PLCXD3: variants seen among roughly 807,000 people sequenced by gnomAD.
PLCXD3 encodes PI-PLC X domain-containing protein 3.
Under a neutral mutation model 25.5 loss-of-function variants are expected in PLCXD3, and 19 were observed. That is an observed-to-expected ratio of 0.75 (90% confidence interval 0.52 to 1.09). The LOEUF (loss-of-function observed/expected upper bound fraction) is 1.09, where lower values mean the gene tolerates loss of function less well. Ranked by LOEUF, PLCXD3 falls within the 50% of genes least tolerant of loss-of-function variation. PLCXD3 has a pLI of 0.00. For missense variants in PLCXD3, 411 were observed against 388.1 expected, an observed-to-expected ratio of 1.06 and a Z score of -0.50; for synonymous variants, 174 against 137.6, an observed-to-expected ratio of 1.26 and a Z score of -1.85.
intron 1 of PLCXD3, among the ~76,000 whole-genome samples, chr5:41,491,499 C>A (rs1446775544): frequency 6.6e-6 from 1 of 152,138 alleles, no homozygotes; most frequent in Admixed American, 6.5e-5. Flanking sequence ...TGTTAACTTT[C>A]TGTCTGGTTG....
chr5:41,391,253 A>G (rs1055254904), intron 1 of PLCXD3, among the ~76,000 whole-genome samples: 27 of 152,246 alleles, frequency 1.8e-4, no homozygotes, highest in African/African-American at 6.3e-4. Flanking sequence ...GAGTACTGTT[A>G]TCACCCCTCC....
intron 2 of PLCXD3, 62 bp downstream of exon 2, chr5:41,381,764 G>T (rs950650436): frequency 2.4e-5 from 35 of 1,457,408 alleles, no homozygotes; most frequent in Non-Finnish European, 3.3e-5. Flanking sequence ...CATCACTTAT[G>T]AGCTCTATAA....
At chr5:41,358,297 A>AT (rs897384421) in intron 2 of PLCXD3, among the ~76,000 whole-genome samples, 33 of 152,004 alleles carry the variant, frequency 2.2e-4, no homozygotes, top group African/African-American at 6.8e-4. Flanking sequence ...TGGGCTACTT[A>AT]TTTTTTTTAT....
rs187436173 is a variant in PLCXD3 at position 41,373,626 on chromosome 5, C to T, written c.812+8200G>A. On this transcript the variant is annotated intron_variant, in intron 2 of 2. Coordinates refer to ENST00000377801, the MANE Select transcript of PLCXD3 (RefSeq NM_001005473.3). ...CCTTTGTAAGAAATAAAGCTCTCTC[C>T]TCTCTGAATTTATGAACCTCATAAT... is the stretch of plus-strand genomic sequence containing the variant. 2.3e-3 allele frequency among the ~76,000 whole-genome samples: 356 copies of T among 152,254 alleles called. 1 individual carries two copies. The highest frequency in any genetic ancestry group is 4.2e-3 in the Admixed American group (64 of 15,284).
intron 1 of PLCXD3, among the ~76,000 whole-genome samples, chr5:41,473,094 A>G (rs1421179530): frequency 6.6e-6 from 1 of 152,192 alleles, no homozygotes; most frequent in Non-Finnish European, 1.5e-5. Flanking sequence ...ATTGCCTAAA[A>G]AAATCTGCAA....
intron 1 of PLCXD3, among the ~76,000 whole-genome samples, chr5:41,394,502 G>A (rs932209645): frequency 6.6e-6 from 1 of 152,054 alleles, no homozygotes; most frequent in African/African-American, 2.4e-5. Context: ...AGTAAATTCT[G>A]CAGTCAACAG....
At position 41,311,503 on chromosome 5, in the gene PLCXD3, G is replaced by T. The variant is rs1345009868; in HGVS notation, c.*2114C>A. ...TTTAATATTATCAATGTCTTCATTTGAAAAGAAGAATTGTACTGTGTCCAT... is the reference window on the plus strand; with the variant it reads ...TTTAATATTATCAATGTCTTCATTTTAAAAGAAGAATTGTACTGTGTCCAT... On this transcript the variant is annotated 3_prime_UTR_variant, in exon 3 of 3. Coordinates refer to ENST00000377801, the MANE Select transcript of PLCXD3 (RefSeq NM_001005473.3). The T allele has an allele frequency of 6.6e-6, 1 of 151,996 alleles. No homozygotes were observed. The highest frequency in any genetic ancestry group is 2.4e-5 in the African/African-American group (1 of 41,380). 9.4% of individuals were successfully genotyped at this position (151,996 alleles called of 1,614,324 possible). A position where few individuals can be genotyped will look rare whatever the true frequency, so the allele number is the denominator to read the frequency against.
chr5:41,449,570 C>G (rs1410032545), intron 1 of PLCXD3, among the ~76,000 whole-genome samples: 2 of 151,926 alleles, frequency 1.3e-5, no homozygotes, highest in Non-Finnish European at 2.9e-5. Flanking sequence ...ATAAAAGGAC[C>G]ATAGAGGAGG....
rs2150476003 is a variant in PLCXD3, at chr5:41,335,570, T to TTTTTTTTATTAC, written c.813-21801_813-21800insGTAATAAAAAAA. 2.6e-5 allele frequency among the ~76,000 whole-genome samples: 4 copies of TTTTTTTTATTAC among 152,306 alleles called. 1 individual carries two copies. In the Middle Eastern group the frequency reaches 0.014, roughly 518 times the overall value. ...TAGCAATGGGAAAATAAAGTATTACTTTAAAAATATGCATTTATTAAGAAG... is the reference window on the plus strand; with the variant it reads ...TAGCAATGGGAAAATAAAGTATTACTTTTTTTTATTACTTAAAAATATGCATTTATTAAGAAG... On this transcript the variant is annotated intron_variant, in intron 2 of 2. Transcript: ENST00000377801.
chr5:41,369,484 T>G (rs1745030593), intron 2 of PLCXD3, among the ~76,000 whole-genome samples: 1 of 152,024 alleles, frequency 6.6e-6, no homozygotes, highest in Non-Finnish European at 1.5e-5. Context: ...CTTTTTTTGG[T>G]TGGTTGTTTT....
intron 2 of PLCXD3, among the ~76,000 whole-genome samples, chr5:41,315,949 T>A (rs1419151746): frequency 6.6e-6 from 1 of 152,144 alleles, no homozygotes; most frequent in Admixed American, 6.5e-5. Flanking sequence ...GTTCTGTGTC[T>A]CCAAGTAAAT....
chr5:41,367,852 G>T (rs1386828230), intron 2 of PLCXD3, among the ~76,000 whole-genome samples: 1 of 152,062 alleles, frequency 6.6e-6, no homozygotes, highest in Non-Finnish European at 1.5e-5. Context: ...TCAATTTTCT[G>T]TATAGAGCTA....
At chr5:41,505,833 A>C (rs1341552515) in intron 1 of PLCXD3, among the ~76,000 whole-genome samples, 1 of 152,260 alleles carries the variant, frequency 6.6e-6, no homozygotes, top group East Asian at 1.9e-4. Context: ...AAATGTCCCT[A>C]ACTTGGGCAA....
At chr5:41,425,803 C>T (rs1351921878) in intron 1 of PLCXD3, among the ~76,000 whole-genome samples, 1 of 152,152 alleles carries the variant, frequency 6.6e-6, no homozygotes, top group Non-Finnish European at 1.5e-5. Context: ...GTTTTCATAG[C>T]TTGATAGCTC....
chr5:41,358,888 C>T (rs1744693675), intron 2 of PLCXD3, among the ~76,000 whole-genome samples: 1 of 152,040 alleles, frequency 6.6e-6, no homozygotes, highest in African/African-American at 2.4e-5. Flanking sequence ...TAAGGTATAT[C>T]CCTTGTATGC....
At chr5:41,337,326 C>G (rs1269818566) in intron 2 of PLCXD3, among the ~76,000 whole-genome samples, 1 of 152,094 alleles carries the variant, frequency 6.6e-6, no homozygotes, top group Non-Finnish European at 1.5e-5. Context: ...CTCAGAAAAT[C>G]TAAAGCTACC....
In PLCXD3 at chr5:41,381,868, A is replaced by T. The variant is rs1414197032; in HGVS notation, c.770T>A (p.Val257Asp). Residue 257 changes from valine to aspartate, a missense_variant, in exon 2 of 3, where the codon GTC becomes GAC. Transcript: ENST00000377801. The part of the protein sequence containing the change: ...VVLTPKASTV[V>D]KGVASGLRET... ...TCTGAGGCCACTTGCCACCCCTTTG[A>T]CCACAGTGCTAGCTTTGGGGGTCAG... is the stretch of plus-strand genomic sequence containing the variant. 3.1e-6 allele frequency: 5 copies of T among 1,612,482 alleles called. No individual in the cohort carries two copies. The highest frequency in any genetic ancestry group is 4.2e-6 in the Non-Finnish European group (5 of 1,179,530).
At chr5:41,461,743 C>T (rs1356422583) in intron 1 of PLCXD3, among the ~76,000 whole-genome samples, 2 of 151,932 alleles carry the variant, frequency 1.3e-5, no homozygotes, top group Non-Finnish European at 2.9e-5. Flanking sequence ...TTATTCTGCT[C>T]CCAAATCGTA....
In PLCXD3 at chr5:41,464,160, C is replaced by T. The variant is rs547451404; in HGVS notation, c.103+46264G>A. On this transcript the variant is annotated intron_variant, in intron 1 of 2. Coordinates refer to ENST00000377801, the MANE Select transcript of PLCXD3 (RefSeq NM_001005473.3). ...GATGGAATCCCTCAGTCTGCCCTGACTGTTCATTTACTAGTCTGCTTTAAT... is the reference window on the plus strand; with the variant it reads ...GATGGAATCCCTCAGTCTGCCCTGATTGTTCATTTACTAGTCTGCTTTAAT... 3.3e-5 allele frequency among the ~76,000 whole-genome samples: 5 copies of T among 152,136 alleles called. No homozygotes were observed. The South Asian group carries it at 1.0e-3, about 32-fold the overall frequency.
Sources: allele counts gnomAD v4.1 joint callset (sites outside exome capture counted in the v4.1 genomes callset), GRCh38; gene constraint gnomAD v4.1.1; transcripts MANE v1.5; gene names NCBI Gene and HGNC (gene_info 2026-07-23, HGNC 2026-07-21).